Variants in DOP1B observed in about 807,000 individuals in gnomAD.
The protein encoded by DOP1B is DOP1 leucine zipper like protein B, also known as protein DOP1B.
DOP1B carries 174 observed loss-of-function variants against 233.5 expected under a neutral mutation model. That is an observed-to-expected ratio of 0.75 (90% CI 0.66 to 0.85). DOP1B has a LOEUF of 0.85. Ranked by LOEUF, DOP1B falls within the 40% of genes least tolerant of loss-of-function variation. The pLI is 0.00. For missense variants in DOP1B, 2,652 were observed against 2,846.6 expected (o/e 0.93, Z 1.56); for synonymous variants, 1,190 against 1,185.6 (o/e 1.00, Z -0.08).
intron 18 of DOP1B, among the ~76,000 whole-genome samples, chr21:36,240,872 AAAT>A (rs1336092295): frequency 3.3e-5 from 5 of 152,220 alleles, no homozygotes; most frequent in Non-Finnish European, 5.9e-5. Context: ...AGAAATTTAA[AAAT>A]AATAATAAGA....
At chr21:36,262,347 A>G (rs751019763) in intron 24 of DOP1B, among the ~76,000 whole-genome samples, 4 of 152,154 alleles carry the variant, frequency 2.6e-5, no homozygotes, top group Non-Finnish European at 4.4e-5. Context: ...TAGGTCACAC[A>G]ATAGGTAGTA....
At chr21:36,223,985 C>T (rs1326721906) in intron 11 of DOP1B, among the ~76,000 whole-genome samples, 1 of 152,096 alleles carries the variant, frequency 6.6e-6, no homozygotes, top group Non-Finnish European at 1.5e-5. Context: ...CACTGTAATG[C>T]TCTTGGCTGT....
chr21:36,239,472 G>C (rs968609767), intron 17 of DOP1B, among the ~76,000 whole-genome samples: 1 of 152,176 alleles, frequency 6.6e-6, no homozygotes, highest in South Asian at 2.1e-4. Context: ...CCAGGCACTC[G>C]GCCTTAGAGA....
At chr21:36,244,159 GACTA>G (rs1270854621) in intron 18 of DOP1B, among the ~76,000 whole-genome samples, 16 of 150,254 alleles carry the variant, frequency 1.1e-4, no homozygotes, top group Non-Finnish European at 1.6e-4. Context: ...CCCACGCTGG[GACTA>G]TGGGCACGCA....
intron 36 of DOP1B, among the ~76,000 whole-genome samples, chr21:36,293,075 C>T (rs1331829284): frequency 1.3e-5 from 2 of 151,976 alleles, no homozygotes; most frequent in African/African-American, 2.4e-5. Context: ...TCATGGTGAC[C>T]GGTACCTGTA....
At chr21:36,201,610 AGT>A (rs1004191646) in intron 4 of DOP1B, among the ~76,000 whole-genome samples, 5 of 151,668 alleles carry the variant, frequency 3.3e-5, no homozygotes, top group African/African-American at 7.3e-5. Context: ...AGCCTCCCAA[AGT>A]GCTGGGATTA....
chr21:36,256,873 A>G (rs2067103864), intron 23 of DOP1B, among the ~76,000 whole-genome samples: 1 of 152,132 alleles, frequency 6.6e-6, no homozygotes, highest in Non-Finnish European at 1.5e-5. Context: ...CAAGCAATTG[A>G]TTCCGCAGTG....
chr21:36,233,355 C>T (rs915605118), intron 15 of DOP1B, among the ~76,000 whole-genome samples: 8 of 152,182 alleles, frequency 5.3e-5, no homozygotes, highest in Non-Finnish European at 7.3e-5. Flanking sequence ...AGGCAGGGAG[C>T]CCATGACTCC....
intron 4 of DOP1B, among the ~76,000 whole-genome samples, chr21:36,205,652 T>A (rs374106824): frequency 1.1e-4 from 17 of 151,684 alleles, no homozygotes; most frequent in African/African-American, 4.1e-4. Flanking sequence ...CCTCCCAAAG[T>A]GCTGGGATTA....
At chr21:36,268,821 C>T (rs1252738224) in intron 26 of DOP1B, among the ~76,000 whole-genome samples, 2 of 152,190 alleles carry the variant, frequency 1.3e-5, no homozygotes, top group South Asian at 4.1e-4. Flanking sequence ...AGGCGTGCAC[C>T]ACCACGCCTA....
intron 10 of DOP1B, among the ~76,000 whole-genome samples, chr21:36,220,460 A>G (rs2066611648): frequency 6.6e-6 from 1 of 152,134 alleles, no homozygotes; most frequent in Non-Finnish European, 1.5e-5. Flanking sequence ...TTAAAGGTAG[A>G]ATTACACCAG....
At chr21:36,248,335 A>G in intron 20 of DOP1B, 45 bp from the exon 21 acceptor site, 1 of 1,597,316 alleles carries the variant, frequency 6.3e-7, no homozygotes, top group Non-Finnish European at 8.5e-7. Flanking sequence ...AAGAAAAACC[A>G]TTCCACAGAC....
At position 36,227,790 on chromosome 21, in the gene DOP1B, G is replaced by T. The variant is rs150443180; in HGVS notation, c.1578G>T (p.Thr526=). The change falls in exon 13 of 37, where the codon ACG becomes ACT. Residue 526 remains threonine (T), a synonymous_variant. Transcript: ENST00000691173. The stretch of plus-strand genomic sequence containing the variant: ...AGGCCTTAAGTTTACCTGAACTCAC[G>T]CATGCCTTGAAGACGTGTTTCAAGG... ...DMEALSLPEL[T]HALKTCFKVL... is the part of the protein sequence containing the mutation. 4 of 1,613,604 alleles carry T rather than the reference G, an allele frequency of 2.5e-6. No individual in the cohort carries two copies. The highest frequency in any genetic ancestry group is 1.3e-5 in the African/African-American group (1 of 74,906).
At chr21:36,219,899 A>G (rs1300555235) in intron 10 of DOP1B, among the ~76,000 whole-genome samples, 1 of 151,410 alleles carries the variant, frequency 6.6e-6, no homozygotes, top group Non-Finnish European at 1.5e-5. Context: ...GGCAAGTGGA[A>G]AGGGGATGTG....
At chr21:36,208,929 C>G (rs772464706) in intron 5 of DOP1B, 25 bp downstream of exon 5, 14 of 1,480,504 alleles carry the variant, frequency 9.5e-6, no homozygotes, top group African/African-American at 1.4e-5. Context: ...CCTCACAGGG[C>G]ATGGGGAGGA....
At chr21:36,279,719 GC>G (rs1361924336) in intron 30 of DOP1B, among the ~76,000 whole-genome samples, 1 of 152,152 alleles carries the variant, frequency 6.6e-6, no homozygotes, top group Non-Finnish European at 1.5e-5. Flanking sequence ...CCTTGAAAAA[GC>G]CAGAGTGCCT....
chr21:36,217,257 G>T (rs2066570794), intron 9 of DOP1B, among the ~76,000 whole-genome samples: 1 of 152,148 alleles, frequency 6.6e-6, no homozygotes, highest in Non-Finnish European at 1.5e-5. Context: ...GGGAAGGGGA[G>T]ACTCCATGTT....
intron 35 of DOP1B, among the ~76,000 whole-genome samples, chr21:36,291,454 G>A (rs551341734): frequency 6.6e-6 from 1 of 151,916 alleles, no homozygotes; most frequent in East Asian, 1.9e-4. Flanking sequence ...CCAGCTACTC[G>A]GGAGGCTGAG....
At chr21:36,281,175 A>C (rs1444224337) in intron 31 of DOP1B, among the ~76,000 whole-genome samples, 1 of 152,148 alleles carries the variant, frequency 6.6e-6, no homozygotes, top group Admixed American at 6.6e-5. Flanking sequence ...ACGCACCTGT[A>C]GTCCCAGCTA....
Sources: gnomAD v4.1 joint callset for allele counts (sites outside exome capture counted in the v4.1 genomes callset) on GRCh38, gnomAD v4.1.1 for gene constraint, MANE v1.5 for transcripts, NCBI Gene and HGNC (gene_info 2026-07-23, HGNC 2026-07-21) for gene names.